PRKN: variants seen among roughly 807,000 people sequenced by gnomAD.
PRKN encodes E3 ubiquitin-protein ligase parkin.
A neutral mutation model predicts 59.5 loss-of-function variants in PRKN; 56 were observed. That is an observed-to-expected ratio of 0.94 (90% CI 0.76 to 1.18). The LOEUF is 1.18. Among genes scored for constraint, PRKN ranks in the 50% most tolerant of loss-of-function variants. The pLI is 0.00. For synonymous variants in PRKN, 250 were observed against 222.1 expected, an observed-to-expected ratio of 1.13 and a Z score of -1.12; for missense variants, 657 against 596.4, an observed-to-expected ratio of 1.10 and a Z score of -1.06.
At chr6:161,908,254 C>T (rs1040329790) in intron 6 of PRKN, among the ~76,000 whole-genome samples, 28 of 152,244 alleles carry the variant, frequency 1.8e-4, no homozygotes, top group Admixed American at 7.9e-4. Flanking sequence ...GGCAGATTTC[C>T]GGTACATGGA....
intron 4 of PRKN, among the ~76,000 whole-genome samples, chr6:162,169,532 T>C (rs1383546016): frequency 6.6e-6 from 1 of 152,234 alleles, no homozygotes; most frequent in African/African-American, 2.4e-5. Flanking sequence ...AAACCATAAA[T>C]GTGCAAATAT....
At chr6:161,647,350 C>T (rs1027485316) in intron 7 of PRKN, among the ~76,000 whole-genome samples, 1 of 152,216 alleles carries the variant, frequency 6.6e-6, no homozygotes, top group Non-Finnish European at 1.5e-5. Context: ...CGTCGACAGG[C>T]GTGGCTCTCT....
chr6:162,695,553 T>C (rs892130452), intron 1 of PRKN, among the ~76,000 whole-genome samples: 1 of 152,200 alleles, frequency 6.6e-6, no homozygotes, highest in Non-Finnish European at 1.5e-5. Context: ...TATCAATTTC[T>C]ATCATTTTCC....
rs1048801792 is a variant in PRKN at position 161,347,618 on chromosome 6, T to C, written c.*2481A>G. The C allele has an allele frequency of 7.2e-6, 1 of 139,074 alleles. No individual in the cohort carries two copies. Among genetic ancestry groups the C allele is most frequent in the Non-Finnish European group, 1.5e-5 (1 of 65,840 alleles). The allele number at this position is 139,074 out of a possible 1,614,324, so 8.6% of individuals were successfully genotyped here. A position where few individuals can be genotyped will look rare whatever the true frequency, so the allele number is the denominator to read the frequency against. On this transcript the variant is annotated 3_prime_UTR_variant, in exon 12 of 12. Coordinates refer to ENST00000366898, the MANE Select transcript of PRKN (RefSeq NM_004562.3). ...GTGGATGATCTTGCTTTTTTGTTTT[T>C]GTTTTTTTTTTTTTTTTGAGACAGA...
At chr6:162,062,445 C>A (rs1301248498) in intron 4 of PRKN, among the ~76,000 whole-genome samples, 2 of 152,128 alleles carry the variant, frequency 1.3e-5, no homozygotes, top group African/African-American at 2.4e-5. Flanking sequence ...TGCATCCCCT[C>A]AAAATTTATG....
intron 2 of PRKN, among the ~76,000 whole-genome samples, chr6:162,377,063 C>T (rs1352442078): frequency 4.6e-5 from 7 of 152,086 alleles, no homozygotes; most frequent in South Asian, 4.1e-4. Flanking sequence ...AAATCATGAA[C>T]GAGGACGTTC....
chr6:162,663,551 G>C (rs1013422517), intron 1 of PRKN, among the ~76,000 whole-genome samples: 3 of 152,108 alleles, frequency 2.0e-5, no homozygotes, highest in Admixed American at 6.5e-5. Context: ...GTTTTAAAAT[G>C]TTTTTTAAGA....
intron 7 of PRKN, among the ~76,000 whole-genome samples, chr6:161,725,871 G>C (rs947257198): frequency 6.6e-6 from 1 of 152,120 alleles, no homozygotes; most frequent in Non-Finnish European, 1.5e-5. Flanking sequence ...TCCCATCCTC[G>C]GTCATTGCTC....
chr6:161,878,877 T>C (rs567409951), intron 6 of PRKN, among the ~76,000 whole-genome samples: 3 of 152,276 alleles, frequency 2.0e-5, no homozygotes, highest in East Asian at 3.9e-4. Context: ...GTGAATGGAA[T>C]TGAAAGGTCC....
intron 6 of PRKN, among the ~76,000 whole-genome samples, chr6:161,950,551 AGTGG>A (rs1779949234): frequency 1.3e-5 from 2 of 152,152 alleles, no homozygotes; most frequent in African/African-American, 4.8e-5. Context: ...TCTCAAAAAA[AGTGG>A]TTCTCTCTTT....
In PRKN at chr6:161,359,370, C is replaced by CG. The variant is rs1423184998; in HGVS notation, c.1285+717dup. 6.6e-6 allele frequency among the ~76,000 whole-genome samples: 1 copy of CG among 152,210 alleles called. No homozygotes were observed. Among genetic ancestry groups the CG allele is most frequent in the Non-Finnish European group, 1.5e-5 (1 of 68,040 alleles). On this transcript the variant is annotated intron_variant, in intron 11 of 11. Transcript: ENST00000366898. This position sits in a 1 kb window ranked among gnomAD's most constrained non-coding sequence, Gnocchi z 5.4. ...TCCTGGGATGGCCGGGCTTCCCTCC[C>CG]GCAAGTCAGCTCTGGGCAACCTGCC...
At chr6:162,514,750 T>A (rs560720281) in intron 1 of PRKN, among the ~76,000 whole-genome samples, 10 of 152,148 alleles carry the variant, frequency 6.6e-5, no homozygotes, top group African/African-American at 2.4e-4. Flanking sequence ...GGCAGCAGAG[T>A]GAGACCCATC....
chr6:162,356,462 G>A (rs1170906236), intron 2 of PRKN, among the ~76,000 whole-genome samples: 1 of 151,912 alleles, frequency 6.6e-6, no homozygotes, highest in African/African-American at 2.4e-5. Context: ...TATGATTGCT[G>A]TAAGGTGGCC....
At chr6:161,701,491 A>G (rs1179032745) in intron 7 of PRKN, among the ~76,000 whole-genome samples, 3 of 152,232 alleles carry the variant, frequency 2.0e-5, no homozygotes, top group Non-Finnish European at 4.4e-5. Context: ...CAACCAATTC[A>G]TATAAATTTA....
chr6:162,680,478 A>AT (rs1779730508), intron 1 of PRKN, among the ~76,000 whole-genome samples: 1 of 152,002 alleles, frequency 6.6e-6, no homozygotes, highest in Admixed American at 6.6e-5. Flanking sequence ...ACAAAATTTA[A>AT]TTCCCACTGC....
At position 161,471,593 on chromosome 6, in the gene PRKN, A is replaced by G. The variant is rs1790791942; in HGVS notation, c.1083+77261T>C. Among the ~76,000 whole-genome samples the G allele has an allele frequency of 1.3e-5, 2 of 152,168 alleles. No individual in the cohort carries two copies. Among genetic ancestry groups the G allele is most frequent in the Admixed American group, 1.3e-4 (2 of 15,274 alleles). On this transcript the variant is annotated intron_variant, in intron 9 of 11. Coordinates refer to ENST00000366898, the MANE Select transcript of PRKN (RefSeq NM_004562.3). This position sits in a 1 kb window ranked among gnomAD's most constrained non-coding sequence, Gnocchi z 4.5. ...TAGACCTTGACAGAATGATGACCTAATTTCTATATGCTCTTGAATTGGATG... is the reference window on the plus strand; with the variant it reads ...TAGACCTTGACAGAATGATGACCTAGTTTCTATATGCTCTTGAATTGGATG...
At chr6:161,501,417 T>G (rs929689348) in intron 9 of PRKN, among the ~76,000 whole-genome samples, 1 of 152,234 alleles carries the variant, frequency 6.6e-6, no homozygotes, top group Non-Finnish European at 1.5e-5. Context: ...CTGTATATCT[T>G]TTTTCGGTGA....
At chr6:162,674,828 A>G (rs1779474103) in intron 1 of PRKN, among the ~76,000 whole-genome samples, 1 of 152,170 alleles carries the variant, frequency 6.6e-6, no homozygotes, top group South Asian at 2.1e-4. Flanking sequence ...CAGACTGGAA[A>G]CAAGACAAGA....
chr6:161,398,717 A>C (rs1786891479), intron 9 of PRKN, among the ~76,000 whole-genome samples: 1 of 152,182 alleles, frequency 6.6e-6, no homozygotes, highest in Admixed American at 6.5e-5. Flanking sequence ...GTGAATGGTA[A>C]GGCACTGGCC....
Sources: allele counts gnomAD v4.1 joint callset (sites outside exome capture counted in the v4.1 genomes callset), GRCh38; gene constraint gnomAD v4.1.1; non-coding constraint Gnocchi (gnomAD v3.1); transcripts MANE v1.5; gene names NCBI Gene and HGNC (gene_info 2026-07-23, HGNC 2026-07-21).